Variants in CPNE2 observed in about 807,000 individuals in gnomAD.
CPNE2 encodes copine-2.
A neutral mutation model predicts 69.7 loss-of-function variants in CPNE2; 42 were observed. That is an observed-to-expected ratio of 0.60 (90% CI 0.47 to 0.78). The LOEUF is 0.78. Among genes scored for constraint, CPNE2 ranks in the 30% least tolerant of loss-of-function variants. The probability of loss-of-function intolerance (pLI) is 0.00; values close to 1 mark genes in which losing one functional copy is unlikely to be tolerated. For synonymous variants in CPNE2, 294 were observed against 289.8 expected, an observed-to-expected ratio of 1.01 and a Z score of -0.15; for missense variants, 587 against 732.0, an observed-to-expected ratio of 0.80 and a Z score of 2.29.
Position 57,130,612 on chromosome 16 carries a change from T to G in CPNE2, c.1116+2709T>G, listed in dbSNP as rs2069830876. On this transcript the variant is annotated intron_variant, in intron 12 of 15. Transcript: ENST00000290776. This position sits in a 1 kb window ranked among gnomAD's most constrained non-coding sequence, Gnocchi z 4.1. ...GGTAGGCCCTGTTATGAACCCATTT[T>G]GATCGTTGAGGAAGCCAAGCAGTCA... 6.6e-6 allele frequency among the ~76,000 whole-genome samples: 1 copy of G among 152,044 alleles called. No individual in the cohort carries two copies. The highest frequency in any genetic ancestry group is 1.5e-5 in the Non-Finnish European group (1 of 68,022).
chr16:57,137,275 C>T lies in CPNE2; in HGVS notation c.1295C>T (p.Thr432Met), dbSNP rs748317019. 1.2e-5 allele frequency: 19 copies of T among 1,613,898 alleles called. No individual in the cohort carries two copies. The highest frequency in any genetic ancestry group is 1.6e-4 in the Middle Eastern group (1 of 6,084). Residue 432 changes from threonine (T) to methionine (M), a missense_variant, in exon 14 of 16, where the codon ACG (threonine) becomes ATG (methionine). Thr to Met is a moderately conservative substitution (Grantham distance 81). Transcript: ENST00000290776. Reference sequence around the variant, plus strand: ...GCGGCCCAGGCCACACAACAGCGGACGGCCACGGTGAGTAGGCAGCTGCAA... The same window carrying T: ...GCGGCCCAGGCCACACAACAGCGGATGGCCACGGTGAGTAGGCAGCTGCAA... ...RFAAQATQQR[T>M]ATQYFILLII... is the part of the protein sequence containing the mutation.
At chr16:57,106,193 G>A (rs549726711) in intron 1 of CPNE2, 1 of 152,864 alleles carries the variant, frequency 6.5e-6, no homozygotes, top group East Asian at 1.9e-4. Context: ...GAGATGGGAG[G>A]ACCTGCCCCT....
chr16:57,101,608 A>G (rs551118134), intron 1 of CPNE2, among the ~76,000 whole-genome samples: 1 of 152,208 alleles, frequency 6.6e-6, no homozygotes, highest in Non-Finnish European at 1.5e-5. Context: ...GCCAAATCCA[A>G]CTACACTAGA....
chr16:57,138,098 C>T (rs941704102), intron 14 of CPNE2, among the ~76,000 whole-genome samples: 2 of 152,198 alleles, frequency 1.3e-5, no homozygotes, highest in Non-Finnish European at 2.9e-5. Flanking sequence ...CACGCTCCAG[C>T]GCCGTGACGG....
At chr16:57,141,381 G>C (rs2145283655) in intron 14 of CPNE2, 1 of 152,450 alleles carries the variant, frequency 6.6e-6, no homozygotes, top group East Asian at 1.9e-4. Context: ...CTCCCGGCCT[G>C]GGGGAGGCAG....
intron 7 of CPNE2, among the ~76,000 whole-genome samples, chr16:57,120,688 G>A (rs560376268): frequency 6.6e-6 from 1 of 152,060 alleles, no homozygotes; most frequent in African/African-American, 2.4e-5. Context: ...AATAATCCCT[G>A]CCTTCCTCCT....
At chr16:57,103,656 T>C (rs569845446) in intron 1 of CPNE2, among the ~76,000 whole-genome samples, 7 of 152,204 alleles carry the variant, frequency 4.6e-5, no homozygotes, top group Non-Finnish European at 1.0e-4. Flanking sequence ...TCCCTGTGCC[T>C]GCCTCTCTCA....
chr16:57,140,452 G>T (rs1376482128), intron 14 of CPNE2, among the ~76,000 whole-genome samples: 1 of 148,324 alleles, frequency 6.7e-6, no homozygotes, highest in African/African-American at 2.5e-5. Flanking sequence ...GATTACAGGT[G>T]TGAGCCACTG....
At chr16:57,103,785 G>C (rs908929265) in intron 1 of CPNE2, among the ~76,000 whole-genome samples, 1 of 152,198 alleles carries the variant, frequency 6.6e-6, no homozygotes, top group African/African-American at 2.4e-5. Flanking sequence ...TCTACATCGC[G>C]GTGGGGCCAG....
chr16:57,124,803 A>G, intron 10 of CPNE2: 1 of 216,518 alleles, frequency 4.6e-6, no homozygotes, highest in Non-Finnish European at 9.6e-6. Flanking sequence ...ATGGAGTCAG[A>G]GGATTGGCCT....
At chr16:57,117,635 C>T in intron 5 of CPNE2, 68 bp downstream of exon 5, 11 of 1,563,182 alleles carry the variant, frequency 7.0e-6, no homozygotes, top group Non-Finnish European at 9.6e-6. Context: ...GCTGTGTGGC[C>T]TCATTCCGGG....
At chr16:57,102,901 C>T (rs1357925869) in intron 1 of CPNE2, among the ~76,000 whole-genome samples, 1 of 152,052 alleles carries the variant, frequency 6.6e-6, no homozygotes, top group African/African-American at 2.4e-5. Flanking sequence ...CATGCCCGGC[C>T]CTCTCAATCA....
intron 1 of CPNE2, among the ~76,000 whole-genome samples, chr16:57,102,057 C>G (rs1311895584): frequency 1.3e-5 from 2 of 151,872 alleles, no homozygotes; most frequent in Non-Finnish European, 2.9e-5. Flanking sequence ...GGTGATTCCC[C>G]CCATCTCAGC....
chr16:57,136,211 C>T (rs1247996077), intron 13 of CPNE2, among the ~76,000 whole-genome samples: 1 of 152,198 alleles, frequency 6.6e-6, no homozygotes, highest in Non-Finnish European at 1.5e-5. Context: ...ATAGCATCTA[C>T]CTTCCCTGGG....
chr16:57,119,391 C>T, intron 6 of CPNE2, 113 bp downstream of exon 6: 3 of 1,200,034 alleles, frequency 2.5e-6, no homozygotes, highest in Non-Finnish European at 3.7e-6. Flanking sequence ...GGAAAACCCA[C>T]AGTGGCACCT....
At chr16:57,105,883 A>G (rs950561030) in intron 1 of CPNE2, among the ~76,000 whole-genome samples, 2 of 151,882 alleles carry the variant, frequency 1.3e-5, no homozygotes, top group Non-Finnish European at 1.5e-5. Context: ...CAAATTACCT[A>G]TGGGGTGGGG....
chr16:57,119,715 C>T, intron 7 of CPNE2, 65 bp downstream of exon 7: 1 of 1,134,856 alleles, frequency 8.8e-7, no homozygotes, highest in South Asian at 1.4e-5. Flanking sequence ...CTACCTGAGG[C>T]TCCCGGGGAT....
intron 7 of CPNE2, among the ~76,000 whole-genome samples, chr16:57,119,901 G>C (rs112268244): frequency 1.3e-5 from 2 of 152,338 alleles, no homozygotes; most frequent in African/African-American, 4.8e-5. Context: ...GGGCTGCAGA[G>C]CTGCTAGCTA....
At chr16:57,117,307 AT>A (rs1217203026) in intron 4 of CPNE2, among the ~76,000 whole-genome samples, 188 bp from the exon 5 acceptor site, 1 of 152,014 alleles carries the variant, frequency 6.6e-6, no homozygotes, top group Non-Finnish European at 1.5e-5. Flanking sequence ...CAGATGGGTT[AT>A]TTTCCGCATT....
Sources: allele counts gnomAD v4.1 joint callset (sites outside exome capture counted in the v4.1 genomes callset), GRCh38; gene constraint gnomAD v4.1.1; non-coding constraint Gnocchi (gnomAD v3.1); transcripts MANE v1.5; gene names NCBI Gene and HGNC (gene_info 2026-07-23, HGNC 2026-07-21).